PDGFA: variants seen among roughly 807,000 people sequenced by gnomAD.
The protein encoded by PDGFA is platelet derived growth factor subunit A, also known as platelet-derived growth factor subunit A.
In PDGFA, 9 loss-of-function variants were observed where a neutral mutation model predicts 25.6. The observed-to-expected ratio is 0.35, with a 90% CI of 0.21 to 0.61. The LOEUF is 0.61. Among genes scored for constraint, PDGFA ranks in the 20% least tolerant of loss-of-function variants. The pLI is 0.75. For missense variants in PDGFA, 242 were observed against 272.8 expected (o/e 0.89, Z 0.79); for synonymous variants, 133 against 111.8 (o/e 1.19, Z -1.20).
intron 4 of PDGFA, 76 bp from the exon 5 acceptor site, chr7:501,318 A>ACAGGCTGAGAGGGAGGAGAGAG: frequency 6.3e-7 from 1 of 1,584,070 alleles, no homozygotes; most frequent in East Asian, 2.2e-5. Context: ...GGAGCCGGGG[A>ACAGGCTGAGAGGGAGGAGAGAG]CAGGCTGAGA....
At chr7:498,611 CGACCAAGTGAACCACCCAGCACACACATG>C (rs1583134562) in intron 5 of PDGFA, 37 bp from the exon 6 acceptor site, 2 of 1,606,452 alleles carry the variant, frequency 1.2e-6, no homozygotes, top group African/African-American at 2.7e-5. Context: ...CTGAGACCAC[CGACCAAGTGAACCACCCAGCACACACATG>C]GCTGCATAGG....
chr7:506,374 G>A (rs1198575342), intron 4 of PDGFA, among the ~76,000 whole-genome samples: 2 of 152,022 alleles, frequency 1.3e-5, no homozygotes, highest in Admixed American at 1.3e-4. Flanking sequence ...GCTCGTGTAA[G>A]AGGCCCCTGC....
Position 510,858 on chromosome 7 carries a change from G to C in PDGFA, c.404C>G (p.Thr135Arg), listed in dbSNP as rs779400956. The C allele has an allele frequency of 1.9e-5, 30 of 1,610,706 alleles. No individual in the cohort carries two copies. Among genetic ancestry groups the C allele is most frequent in the African/African-American group, 4.0e-5 (3 of 74,672 alleles). The change falls in exon 4 of 6, where the codon ACG becomes AGG. Residue 135 changes from threonine to arginine, a missense_variant. By Grantham distance (71) the Thr-to-Arg change is moderately conservative. This residue lies in a region of PDGFA where 37 missense variants were observed against 27.0 expected (regional missense o/e 1.37). Transcript: ENST00000402802. The stretch of plus-strand genomic sequence containing the variant: ...GGAGGGCTGGCACTTGACACTGCTC[G>C]TGTTGCAGCAGCCGGTGCAGCGTTT...
At position 500,595 on chromosome 7, in the gene PDGFA, C is replaced by T; in HGVS notation, c.580+521G>A. 1 of 1,592,788 alleles carries T rather than the reference C, an allele frequency of 6.3e-7. No homozygotes were observed. The highest frequency in any genetic ancestry group is 8.5e-7 in the Non-Finnish European group (1 of 1,170,958). On this transcript the variant is annotated intron_variant, in intron 5 of 5. Coordinates refer to ENST00000402802, the Ensembl canonical transcript of PDGFA. The surrounding 1 kb of genome is among the most constrained non-coding windows in gnomAD (Gnocchi z 5.0). ...ATACCTACGGCATTTGTTTATCTTTCCAGAAGAGAAGGCCAGCACCCTGGC... is the reference window on the plus strand; with the variant it reads ...ATACCTACGGCATTTGTTTATCTTTTCAGAAGAGAAGGCCAGCACCCTGGC...
At chr7:511,916 G>C (rs1011261223) in intron 3 of PDGFA, among the ~76,000 whole-genome samples, 1 of 152,194 alleles carries the variant, frequency 6.6e-6, no homozygotes, top group African/African-American at 2.4e-5. Context: ...GGCAGCCGCC[G>C]GACACAGCAC....
chr7:503,113 T>C (rs977584171), intron 4 of PDGFA, among the ~76,000 whole-genome samples: 2 of 152,146 alleles, frequency 1.3e-5, no homozygotes, highest in African/African-American at 2.4e-5. Flanking sequence ...GAGGCAAGAC[T>C]GGCACCTCCA....
chr7:516,346 A>G (rs1412646579), intron 2 of PDGFA, among the ~76,000 whole-genome samples: 1 of 151,988 alleles, frequency 6.6e-6, no homozygotes, highest in African/African-American at 2.4e-5. Context: ...AATTAGGTAC[A>G]AATTTCCAAA....
At chr7:516,975 C>T (rs1447982564) in intron 2 of PDGFA, among the ~76,000 whole-genome samples, 1 of 151,260 alleles carries the variant, frequency 6.6e-6, no homozygotes, top group Non-Finnish European at 1.5e-5. Context: ...GCCCGCCCGT[C>T]GGACCGGGAG....
Position 510,531 on chromosome 7 carries a change from G to A in PDGFA, c.453+278C>T, listed in dbSNP as rs373794490. On this transcript the variant is annotated intron_variant, in intron 4 of 5. Transcript: ENST00000402802. ...GGGGCAGGGCTCACCTTGACGCTGC[G>A]GTGGTGGACGCGGGAGGGACCCTGG... Among the ~76,000 whole-genome samples, 11 of 131,850 alleles carry A rather than the reference G, an allele frequency of 8.3e-5. No homozygotes were observed. In the South Asian group the frequency reaches 1.9e-3, roughly 23 times the overall value. 86.5% of individuals were successfully genotyped at this position (131,850 alleles called of 152,430 possible).
intron 2 of PDGFA, chr7:513,518 G>GCC (rs534940136): frequency 0.68 from 101,276 of 149,844 alleles, 36,235 homozygotes; most frequent in Non-Finnish European, 0.8. Context: ...CCTCCATCCT[G>GCC]CCCCCCCCAC....
chr7:501,797 G>C (rs897186591), intron 4 of PDGFA, among the ~76,000 whole-genome samples: 15 of 152,160 alleles, frequency 9.9e-5, no homozygotes, highest in Admixed American at 7.2e-4. Context: ...TGCCTGGGGG[G>C]GCTGAAGGAT....
upstream of PDGFA, among the ~76,000 whole-genome samples, chr7:519,567 G>C (rs1367508524): frequency 6.8e-6 from 1 of 146,114 alleles, no homozygotes; most frequent in Non-Finnish European, 1.5e-5. Context: ...GCCGCCGCCC[G>C]GCCGGGCACA....
chr7:499,731 C>CCCCCCA (rs1192848580), intron 5 of PDGFA, among the ~76,000 whole-genome samples: 3 of 94,656 alleles, frequency 3.2e-5, no homozygotes, highest in Admixed American at 1.8e-4. Context: ...CCCCCCCCCC[C>CCCCCCA]CCGCTCACTC....
At chr7:519,125 C>A in exon 1 of PDGFA, 1 of 649,474 alleles carries the variant, frequency 1.5e-6, no homozygotes, top group Admixed American at 3.4e-5. Context: ...AGGAGGGTGG[C>A]GCGGGGAGCA....
intron 4 of PDGFA, 114 bp downstream of exon 4, chr7:510,695 C>G: frequency 8.7e-6 from 4 of 461,054 alleles, no homozygotes; most frequent in Non-Finnish European, 1.5e-5. Context: ...GGGGCGGCCC[C>G]GGGCTTGGGT....
chr7:506,497 C>T (rs924339242), intron 4 of PDGFA, among the ~76,000 whole-genome samples: 3 of 152,084 alleles, frequency 2.0e-5, no homozygotes, highest in Non-Finnish European at 4.4e-5. Flanking sequence ...ACCCCAGCCA[C>T]TCTGTTCCAG....
At chr7:515,806 T>A (rs964056709) in intron 2 of PDGFA, among the ~76,000 whole-genome samples, 4 of 151,370 alleles carry the variant, frequency 2.6e-5, no homozygotes, top group Non-Finnish European at 4.4e-5. Context: ...AGCCCCCGGG[T>A]GAGGAATGCC....
chr7:520,156 G>A (rs1410553721), upstream of PDGFA: 2 of 301,108 alleles, frequency 6.6e-6, no homozygotes, highest in Non-Finnish European at 1.3e-5. Flanking sequence ...CGGGTGGGGA[G>A]GGAGGAGGCC....
intron 3 of PDGFA, 39 bp downstream of exon 3, chr7:512,312 C>T (rs1158675817): frequency 1.3e-6 from 2 of 1,579,252 alleles, no homozygotes; most frequent in Non-Finnish European, 1.7e-6. Context: ...CTCACCCTGA[C>T]CCGGCCCTGC....
Sources: gnomAD v4.1 joint callset for allele counts (sites outside exome capture counted in the v4.1 genomes callset) on GRCh38, gnomAD v4.1.1 for gene constraint, gnomAD v4.1.1 regional missense constraint, Gnocchi (gnomAD v3.1) non-coding constraint, MANE v1.5 for transcripts, NCBI Gene and HGNC (gene_info 2026-07-23, HGNC 2026-07-21) for gene names.